The following FAAP20 variants were observed in gnomAD, a reference collection of about 807,000 sequenced individuals.
FAAP20 encodes FA core complex associated protein 20.
FAAP20 carries 12 observed loss-of-function variants against 16.2 expected under a neutral mutation model. The ratio of observed to expected loss-of-function variants is 0.74; its 90% CI spans 0.48 to 1.20. The LOEUF is 1.20. Ranked by LOEUF, FAAP20 falls within the 50% of genes most tolerant of loss-of-function variation. FAAP20 has a pLI of 0.00. For synonymous variants in FAAP20, 141 were observed against 110.7 expected (o/e 1.27, Z -1.72); for missense variants, 288 against 245.8 (o/e 1.17, Z -1.15).
At chr1:2,209,313 C>T (rs2100767175), downstream of FAAP20, among the ~76,000 whole-genome samples, 1 of 152,360 alleles carries the variant, frequency 6.6e-6, no homozygotes, top group African/African-American at 2.4e-5. Context: ...CCTCCTCCAA[C>T]TCAGCACCTC....
At chr1:2,196,120 C>T (rs1004704408), upstream of FAAP20, among the ~76,000 whole-genome samples, 2 of 152,196 alleles carry the variant, frequency 1.3e-5, no homozygotes, top group Non-Finnish European at 2.9e-5. The surrounding 1 kb of genome is among the most constrained non-coding windows in gnomAD (Gnocchi z 4.5). Context: ...GCTGACCAAG[C>T]GCTCTCAGAC....
intron 3 of FAAP20, among the ~76,000 whole-genome samples, chr1:2,205,248 A>G (rs1294344486): frequency 2.9e-5 from 1 of 34,866 alleles, no homozygotes; most frequent in East Asian, 7.6e-4. Flanking sequence ...CGCCCCTCCC[A>G]GTGCCACCGT....
upstream of FAAP20, among the ~76,000 whole-genome samples, chr1:2,202,969 G>C (rs1269382073): frequency 1.3e-5 from 2 of 152,120 alleles, no homozygotes; most frequent in African/African-American, 4.8e-5. Context: ...CTCCTCCCTG[G>C]GGTCCATCCT....
downstream of FAAP20, among the ~76,000 whole-genome samples, chr1:2,209,754 G>A (rs1053473963): frequency 6.6e-6 from 1 of 152,208 alleles, no homozygotes; most frequent in African/African-American, 2.4e-5. Flanking sequence ...CACTCGTCCA[G>A]GAACTCCACA....
chr1:2,192,193 G>A, intron 3 of FAAP20: 1 of 985,810 alleles, frequency 1.0e-6, no homozygotes, highest in Non-Finnish European at 1.2e-6. Context: ...GCATCCCAGG[G>A]TGGCTGTGCA....
chr1:2,197,859 G>T, upstream of FAAP20: 1 of 800,344 alleles, frequency 1.2e-6, no homozygotes. Context: ...GCACGTGGCG[G>T]GTGCCTCCAC....
upstream of FAAP20, chr1:2,198,156 T>C (rs1486617864): frequency 7.8e-7 from 1 of 1,288,812 alleles, no homozygotes; most frequent in South Asian, 1.2e-5. Context: ...TATTGGAAAA[T>C]AATTTCTGGT....
downstream of FAAP20, among the ~76,000 whole-genome samples, chr1:2,209,066 C>T (rs190697845): frequency 4.6e-5 from 7 of 152,276 alleles, no homozygotes; most frequent in East Asian, 9.7e-4. Flanking sequence ...CCCCCCAGGC[C>T]GGGTTCCCCA....
chr1:2,192,562 C>G (rs1241691920), intron 3 of FAAP20: 4 of 1,034,274 alleles, frequency 3.9e-6, no homozygotes, highest in Non-Finnish European at 4.7e-6. Context: ...CTGACAGCAA[C>G]AAGGATCTCA....
downstream of FAAP20, among the ~76,000 whole-genome samples, chr1:2,186,567 C>A (rs1687629929): frequency 6.8e-6 from 1 of 146,384 alleles, no homozygotes; most frequent in Non-Finnish European, 1.5e-5. Flanking sequence ...CCAACCTTAG[C>A]TGTTGAGACT....
upstream of FAAP20, among the ~76,000 whole-genome samples, chr1:2,197,696 T>C (rs965385201): frequency 2.0e-4 from 31 of 152,218 alleles, no homozygotes; most frequent in African/African-American, 7.0e-4. Flanking sequence ...GTTGTCCTCC[T>C]GGGGGCTCTT....
At chr1:2,199,376 C>G (rs185842711), upstream of FAAP20, 16 of 1,018,198 alleles carry the variant, frequency 1.6e-5, no homozygotes, top group Non-Finnish European at 1.8e-5. This position sits in a 1 kb window ranked among gnomAD's most constrained non-coding sequence, Gnocchi z 4.5. Context: ...GACGTCCCCC[C>G]GCCCGGAGAA....
chr1:2,186,956 T>G, downstream of FAAP20: 1 of 275,508 alleles, frequency 3.6e-6, no homozygotes, highest in Non-Finnish European at 7.6e-6. Flanking sequence ...TAATTTGTTT[T>G]ATAAATTAAA....
At chr1:2,201,275 C>CAG (rs1200740093), upstream of FAAP20, 2 of 1,158,720 alleles carry the variant, frequency 1.7e-6, no homozygotes, top group Non-Finnish European at 2.2e-6. Flanking sequence ...GCGCATCCTC[C>CAG]AGAGGGTCAG....
At chr1:2,186,514 C>A (rs898194637), downstream of FAAP20, among the ~76,000 whole-genome samples, 2 of 149,486 alleles carry the variant, frequency 1.3e-5, no homozygotes, top group Non-Finnish European at 3.0e-5. Flanking sequence ...CCGGCCAGCT[C>A]AGGCTTCTAG....
At chr1:2,184,825 G>A, downstream of FAAP20, 1 of 1,378,412 alleles carries the variant, frequency 7.3e-7, no homozygotes. Context: ...CTCTCCAGTG[G>A]GCGTTGGGGG....
chr1:2,210,953 C>T (rs1689418608), downstream of FAAP20, among the ~76,000 whole-genome samples: 1 of 151,666 alleles, frequency 6.6e-6, no homozygotes, highest in Non-Finnish European at 1.5e-5. Context: ...CTGCCCCTAT[C>T]CAGATGCCTG....
chr1:2,197,659 G>A (rs1261157832), upstream of FAAP20, among the ~76,000 whole-genome samples: 1 of 152,258 alleles, frequency 6.6e-6, no homozygotes, highest in Non-Finnish European at 1.5e-5. Flanking sequence ...GTGCTTTGGG[G>A]ACGCAGAGGC....
downstream of FAAP20, among the ~76,000 whole-genome samples, chr1:2,187,739 G>A (rs1687749459): frequency 6.6e-6 from 1 of 152,080 alleles, no homozygotes; most frequent in Non-Finnish European, 1.5e-5. Context: ...CACAGGACAC[G>A]CTGCTCACAG....
Sources: allele counts gnomAD v4.1 joint callset (sites outside exome capture counted in the v4.1 genomes callset), GRCh38; gene constraint gnomAD v4.1.1; non-coding constraint Gnocchi (gnomAD v3.1); transcripts MANE v1.5; gene names NCBI Gene and HGNC (gene_info 2026-07-23, HGNC 2026-07-21).